The following FIBCD1 variants were observed in gnomAD, a reference collection of about 807,000 sequenced individuals.
The protein encoded by FIBCD1 is fibrinogen C domain-containing protein 1.
In FIBCD1, 47 loss-of-function variants were observed where a neutral mutation model predicts 45.1. That is an observed-to-expected ratio of 1.04 (90% CI 0.82 to 1.33). The LOEUF (loss-of-function observed/expected upper bound fraction) is 1.33, where lower values mean the gene tolerates loss of function less well. FIBCD1 is among the 40% of genes most tolerant of loss of function. The pLI, the probability that FIBCD1 is intolerant of heterozygous loss-of-function variation, is 0.00. For synonymous variants in FIBCD1, 313 were observed against 308.1 expected, an observed-to-expected ratio of 1.02 and a Z score of -0.17; for missense variants, 653 against 682.2, an observed-to-expected ratio of 0.96 and a Z score of 0.48.
chr9:130,935,015 C>G (rs1261550378), intron 1 of FIBCD1, among the ~76,000 whole-genome samples: 1 of 152,146 alleles, frequency 6.6e-6, no homozygotes, highest in Admixed American at 6.5e-5. Flanking sequence ...GTTTGTTCCC[C>G]CCGTGAGACT....
In FIBCD1 at chr9:130,930,011, C is replaced by T; in HGVS notation, c.108G>A (p.Leu36=). The change falls in exon 2 of 7, where the codon CTG becomes CTA. Residue 36 remains leucine (L), a synonymous_variant. Coordinates refer to ENST00000372338, the MANE Select transcript of FIBCD1 (RefSeq NM_032843.5). The part of the protein sequence containing the change: ...PSCGYVLCTV[L]LALAVLLAVA... ...CAGCCAGCAGCACAGCCAGGGCCAG[C>T]AGCACGGTGCACAGCACGTAGCCGC... 2 of 1,530,814 alleles carry T rather than the reference C, an allele frequency of 1.3e-6. No individual in the cohort carries two copies. The highest frequency in any genetic ancestry group is 1.8e-6 in the Non-Finnish European group (2 of 1,138,606). The allele number at this position is 1,530,814 out of a possible 1,614,324, so 94.8% of individuals were successfully genotyped here.
intron 1 of FIBCD1, among the ~76,000 whole-genome samples, chr9:130,931,063 A>C (rs928010744): frequency 6.6e-6 from 1 of 151,888 alleles, no homozygotes; most frequent in Non-Finnish European, 1.5e-5. Flanking sequence ...TCCTTCCTCT[A>C]TCTCTTCACA....
Position 130,903,564 on chromosome 9 carries a change from C to T in FIBCD1, c.*500G>A, listed in dbSNP as rs557134333. On this transcript the variant is annotated 3_prime_UTR_variant, in exon 7 of 7. Transcript: ENST00000372338. ...GTGGGTTCTCTGGGCACCAGGGAAA[C>T]GGGGTGGGGGTTGGCATTGGGAGGG... 5.3e-4 allele frequency: 105 copies of T among 198,136 alleles called. 2 individuals carry two copies. The highest frequency in any genetic ancestry group is 2.7e-3 in the East Asian group (21 of 7,830). The allele number at this position is 198,136 out of a possible 1,614,324, so 12.3% of individuals were successfully genotyped here.
intron 5 of FIBCD1, among the ~76,000 whole-genome samples, chr9:130,911,469 C>T (rs933244366): frequency 7.9e-5 from 12 of 152,312 alleles, no homozygotes; most frequent in African/African-American, 4.8e-5. Context: ...TGCTGCTGAC[C>T]ACCTGCCCAA....
intron 5 of FIBCD1, among the ~76,000 whole-genome samples, chr9:130,909,720 G>A (rs1350142532): frequency 1.3e-5 from 2 of 151,386 alleles, no homozygotes; most frequent in African/African-American, 4.9e-5. Context: ...TTAGATAAAT[G>A]AAGTTTTGTT....
At chr9:130,906,767 A>G (rs1355471106) in intron 5 of FIBCD1, among the ~76,000 whole-genome samples, 1 of 152,246 alleles carries the variant, frequency 6.6e-6, no homozygotes, top group African/African-American at 2.4e-5. Flanking sequence ...GCAAGGGCCC[A>G]GCACCGTTCT....
Position 130,903,851 on chromosome 9 carries a change from A to G in FIBCD1, c.*213T>C. The G allele has an allele frequency of 1.5e-6, 1 of 662,104 alleles. No individual in the cohort carries two copies. The highest frequency in any genetic ancestry group is 2.8e-5 in the East Asian group (1 of 36,194). The allele number at this position is 662,104 out of a possible 1,614,324, so 41.0% of individuals were successfully genotyped here. A position where few individuals can be genotyped will look rare whatever the true frequency, so the allele number is the denominator to read the frequency against. On this transcript the variant is annotated 3_prime_UTR_variant, in exon 7 of 7. Transcript: ENST00000372338. The stretch of plus-strand genomic sequence containing the variant: ...CCCCCATCAGCAGAGGCAAGAGATC[A>G]GTGAGCTGCCAAATGGAGGGGGTGG...
chr9:130,915,691 A>G (rs1287839288), intron 4 of FIBCD1, among the ~76,000 whole-genome samples: 1 of 152,078 alleles, frequency 6.6e-6, no homozygotes, highest in Admixed American at 6.6e-5. Context: ...GATAAGAGCG[A>G]GACTCTGTCT....
At chr9:130,916,724 A>G (rs1377213507) in intron 4 of FIBCD1, among the ~76,000 whole-genome samples, 1 of 152,224 alleles carries the variant, frequency 6.6e-6, no homozygotes, top group Non-Finnish European at 1.5e-5. Flanking sequence ...GGACAGAGGG[A>G]GGAAGTAAGG....
chr9:130,929,527 C>A, intron 2 of FIBCD1, 40 bp downstream of exon 2: 1 of 1,486,854 alleles, frequency 6.7e-7, no homozygotes, highest in South Asian at 1.4e-5. Flanking sequence ...ACCAACCCCT[C>A]GCCTCCAGCA....
intron 1 of FIBCD1, among the ~76,000 whole-genome samples, chr9:130,935,026 C>CT (rs534327713): frequency 3.9e-4 from 60 of 152,306 alleles, no homozygotes; most frequent in East Asian, 3.5e-3. Flanking sequence ...CCGTGAGACT[C>CT]TAAGCTCCCT....
chr9:130,932,282 C>T (rs1041546034), intron 1 of FIBCD1, among the ~76,000 whole-genome samples: 4 of 152,184 alleles, frequency 2.6e-5, no homozygotes, highest in African/African-American at 7.2e-5. Context: ...CCGAAGAGGA[C>T]GGGGTGGAGG....
chr9:130,908,567 G>T (rs1349800413), intron 5 of FIBCD1, among the ~76,000 whole-genome samples: 4 of 152,170 alleles, frequency 2.6e-5, no homozygotes, highest in Non-Finnish European at 5.9e-5. Context: ...CCCTGCTGGG[G>T]CTCCCCCAAC....
At chr9:130,911,043 G>A (rs988861545) in intron 5 of FIBCD1, among the ~76,000 whole-genome samples, 3 of 152,156 alleles carry the variant, frequency 2.0e-5, no homozygotes, top group African/African-American at 7.2e-5. Flanking sequence ...CCACATAAGA[G>A]AATAAAAGCA....
At position 130,903,859 on chromosome 9, in the gene FIBCD1, G is replaced by T; in HGVS notation, c.*205C>A. On this transcript the variant is annotated 3_prime_UTR_variant, in exon 7 of 7. Transcript: ENST00000372338. The stretch of plus-strand genomic sequence containing the variant: ...AGCAGAGGCAAGAGATCAGTGAGCT[G>T]CCAAATGGAGGGGGTGGGGACGGCG... The T allele has an allele frequency of 1.5e-6, 1 of 684,656 alleles. No individual in the cohort carries two copies. Among genetic ancestry groups the T allele is most frequent in the Non-Finnish European group, 2.6e-6 (1 of 382,714 alleles). 42.4% of individuals were successfully genotyped at this position (684,656 alleles called of 1,614,324 possible).
chr9:130,914,317 T>C (rs1219017064), intron 4 of FIBCD1, among the ~76,000 whole-genome samples: 1 of 152,156 alleles, frequency 6.6e-6, no homozygotes, highest in East Asian at 1.9e-4. Flanking sequence ...GCCAAGTCAG[T>C]GGATACGAGG....
chr9:130,933,727 T>TGGGGGGGGGGGGGGGGGGG (rs1179362614), intron 1 of FIBCD1: 32 of 50,382 alleles, frequency 6.4e-4, no homozygotes, highest in South Asian at 9.3e-4. Context: ...GGCGGGCGGG[T>TGGGGGGGGGGGGGGGGGGG]GGGGGGGGGG....
chr9:130,940,489 A>G (rs548042029), upstream of FIBCD1, among the ~76,000 whole-genome samples: 5 of 152,236 alleles, frequency 3.3e-5, no homozygotes, highest in South Asian at 1.0e-3. Context: ...GGCCTTTCCT[A>G]TGAATTAAGA....
chr9:130,904,540 C>T (rs1831892805), intron 6 of FIBCD1, among the ~76,000 whole-genome samples: 2 of 152,194 alleles, frequency 1.3e-5, no homozygotes, highest in South Asian at 2.1e-4. Flanking sequence ...GCAGTCCCTT[C>T]TCGGGCGTGC....
Sources: allele counts gnomAD v4.1 joint callset (sites outside exome capture counted in the v4.1 genomes callset), GRCh38; gene constraint gnomAD v4.1.1; transcripts MANE v1.5; gene names NCBI Gene and HGNC (gene_info 2026-07-23, HGNC 2026-07-21).